Variants in RBM19 observed in about 807,000 individuals in gnomAD.
RBM19 encodes the protein RNA binding motif protein 19.
A neutral mutation model predicts 116.8 loss-of-function variants in RBM19; 94 were observed. The ratio of observed to expected loss-of-function variants is 0.80; its 90% CI spans 0.68 to 0.95. The LOEUF is 0.95. Among genes scored for constraint, RBM19 ranks in the 40% least tolerant of loss-of-function variants. The pLI is 0.00. For synonymous variants in RBM19, 475 were observed against 494.1 expected, an observed-to-expected ratio of 0.96 and a Z score of 0.51; for missense variants, 1,161 against 1,220.7, an observed-to-expected ratio of 0.95 and a Z score of 0.73.
At chr12:113,910,922 G>A (rs1015704322) in intron 21 of RBM19, among the ~76,000 whole-genome samples, 3 of 152,200 alleles carry the variant, frequency 2.0e-5, no homozygotes, top group African/African-American at 4.8e-5. Flanking sequence ...ACTCAGGCCC[G>A]ATCCAGGCCC....
intron 22 of RBM19, among the ~76,000 whole-genome samples, chr12:113,846,822 C>T (rs1441177699): frequency 1.3e-5 from 2 of 152,192 alleles, no homozygotes; most frequent in Non-Finnish European, 2.9e-5. Flanking sequence ...AAGCAATCCT[C>T]CCACCTTGGC....
chr12:113,886,850 G>A (rs1403912125), intron 21 of RBM19, among the ~76,000 whole-genome samples: 1 of 152,082 alleles, frequency 6.6e-6, no homozygotes, highest in African/African-American at 2.4e-5. Context: ...CACAGGCCAC[G>A]CAGCCCAAGG....
intron 15 of RBM19, chr12:113,937,356 T>A: frequency 2.4e-6 from 1 of 411,414 alleles, no homozygotes; most frequent in Non-Finnish European, 4.3e-6. Flanking sequence ...GAGAGAGGCT[T>A]TAGTCTCTGT....
Position 113,825,674 on chromosome 12 carries a change from C to T in RBM19, c.2786-2353G>A, listed in dbSNP as rs1308320364. On this transcript the variant is annotated intron_variant, in intron 23 of 23. Coordinates refer to ENST00000261741, the MANE Select transcript of RBM19 (RefSeq NM_016196.4). The surrounding 1 kb of genome is among the most constrained non-coding windows in gnomAD (Gnocchi z 5.7). ...CGGCATGGGACTTTTTCTTCTCTCC[C>T]ACATCCTGACAACTTGGAGGGACTG... 2.0e-5 allele frequency among the ~76,000 whole-genome samples: 3 copies of T among 152,150 alleles called. No individual in the cohort carries two copies. Among genetic ancestry groups the T allele is most frequent in the Non-Finnish European group, 4.4e-5 (3 of 68,012 alleles).
Position 113,948,976 on chromosome 12 carries a change from T to C in RBM19, c.1133A>G (p.Lys378Arg). 6.2e-7 allele frequency: 1 copy of C among 1,614,200 alleles called. No homozygotes were observed. The highest frequency in any genetic ancestry group is 8.5e-7 in the Non-Finnish European group (1 of 1,180,010). ...KNVPTTKGAP[K>R]NTTKSWQGRI... ...GCCTTGCCAGGATTTGGTGGTATTC[T>C]TTGGTGCACCCTTGGTGGTGGGGAC... The change falls in exon 10 of 24, where the codon AAG becomes AGG. Residue 378 changes from lysine (K) to arginine (R), a missense_variant. Lys to Arg is a conservative substitution (Grantham distance 26). Coordinates refer to ENST00000261741, the MANE Select transcript of RBM19 (RefSeq NM_016196.4).
intron 18 of RBM19, among the ~76,000 whole-genome samples, chr12:113,922,859 C>G (rs1046115054): frequency 1.3e-5 from 2 of 152,156 alleles, no homozygotes; most frequent in African/African-American, 4.8e-5. Context: ...ACAGGCCAGG[C>G]GCGGAAGCTC....
chr12:113,862,089 G>A (rs1878445715), intron 21 of RBM19, among the ~76,000 whole-genome samples: 1 of 152,220 alleles, frequency 6.6e-6, no homozygotes, highest in Non-Finnish European at 1.5e-5. Flanking sequence ...TTAGATCTTA[G>A]AAGGAACTTC....
At chr12:113,864,864 GT>G (rs1878689025) in intron 21 of RBM19, among the ~76,000 whole-genome samples, 1 of 152,150 alleles carries the variant, frequency 6.6e-6, no homozygotes, top group Non-Finnish European at 1.5e-5. Flanking sequence ...AGTGCCCCAA[GT>G]TTCACAAATA....
chr12:113,927,619 C>A (rs1316502013), intron 16 of RBM19, among the ~76,000 whole-genome samples: 11 of 144,132 alleles, frequency 7.6e-5, no homozygotes, highest in African/African-American at 1.8e-4. Flanking sequence ...AAAAAAAAAA[C>A]CAGCACTTAG....
At chr12:113,957,709 G>C in intron 6 of RBM19, 73 bp downstream of exon 6, 1 of 1,507,152 alleles carries the variant, frequency 6.6e-7, no homozygotes. Flanking sequence ...TCTCCTAACA[G>C]AGGAGCTGTG....
At chr12:113,908,487 T>A (rs981973377) in intron 21 of RBM19, among the ~76,000 whole-genome samples, 3 of 143,882 alleles carry the variant, frequency 2.1e-5, no homozygotes, top group Non-Finnish European at 4.5e-5. Flanking sequence ...GATGCAAGCC[T>A]TGTAATTAAG....
At chr12:113,881,252 T>C (rs527381960) in intron 21 of RBM19, among the ~76,000 whole-genome samples, 5 of 152,092 alleles carry the variant, frequency 3.3e-5, no homozygotes, top group South Asian at 2.1e-4. Context: ...ACGGCCGTTG[T>C]GGTAATTTAG....
At chr12:113,859,090 G>A (rs1370551477) in intron 21 of RBM19, among the ~76,000 whole-genome samples, 194 bp from the exon 22 acceptor site, 1 of 152,228 alleles carries the variant, frequency 6.6e-6, no homozygotes, top group African/African-American at 2.4e-5. Context: ...CATCAGGCAG[G>A]GCAGGGAGGG....
chr12:113,872,498 GC>G (rs1278523569), intron 21 of RBM19, among the ~76,000 whole-genome samples: 9 of 134,120 alleles, frequency 6.7e-5, no homozygotes, highest in African/African-American at 2.4e-4. Context: ...TGCCCGGCCA[GC>G]CGCCCCATCC....
intron 21 of RBM19, among the ~76,000 whole-genome samples, chr12:113,862,653 C>T (rs1021566625): frequency 8.5e-5 from 13 of 152,062 alleles, no homozygotes; most frequent in South Asian, 2.1e-4. Context: ...GGCGAAGCTG[C>T]GCAGGGCCAC....
intron 15 of RBM19, 32 bp from the exon 16 acceptor site, chr12:113,937,168 C>T: frequency 6.2e-7 from 1 of 1,612,242 alleles, no homozygotes; most frequent in Non-Finnish European, 8.5e-7. Flanking sequence ...CCCTGTGGGT[C>T]TTCATTACAA....
At chr12:113,854,841 C>G (rs942660213) in intron 22 of RBM19, among the ~76,000 whole-genome samples, 2 of 152,186 alleles carry the variant, frequency 1.3e-5, no homozygotes, top group African/African-American at 4.8e-5. Flanking sequence ...GGGAGGGAGA[C>G]TGGATGCAAA....
downstream of RBM19, among the ~76,000 whole-genome samples, chr12:113,820,179 G>C (rs1344509137): frequency 1.3e-5 from 2 of 150,586 alleles, no homozygotes; most frequent in Non-Finnish European, 2.9e-5. Flanking sequence ...GCTTCCCTGG[G>C]TCACCCTGGA....
chr12:113,921,968 T>C (rs2135867777), intron 18 of RBM19, among the ~76,000 whole-genome samples: 1 of 152,316 alleles, frequency 6.6e-6, no homozygotes, highest in East Asian at 1.9e-4. Context: ...CAAGAGGCTC[T>C]GATCTGGCAT....
Sources: allele counts gnomAD v4.1 joint callset (sites outside exome capture counted in the v4.1 genomes callset), GRCh38; gene constraint gnomAD v4.1.1; non-coding constraint Gnocchi (gnomAD v3.1); transcripts MANE v1.5; gene names NCBI Gene and HGNC (gene_info 2026-07-23, HGNC 2026-07-21).